UGT1A4: variants seen among roughly 807,000 people sequenced by gnomAD.
The protein encoded by UGT1A4 is UDP glucuronosyltransferase family 1 member A4, also known as UDP-glucuronosyltransferase 1A4.
In UGT1A4, 32 loss-of-function variants were observed where a neutral mutation model predicts 41.1. The ratio of observed to expected loss-of-function variants is 0.78; its 90% CI spans 0.59 to 1.05. The LOEUF (loss-of-function observed/expected upper bound fraction) is 1.05. UGT1A4 is among the 50% of genes least tolerant of loss of function. The probability of loss-of-function intolerance (pLI) is 0.00; values close to 1 mark genes in which losing one functional copy is unlikely to be tolerated. For missense variants in UGT1A4, 748 were observed against 677.4 expected, an observed-to-expected ratio of 1.10 and a Z score of -1.16; for synonymous variants, 283 against 265.1, an observed-to-expected ratio of 1.07 and a Z score of -0.66.
At position 233,742,060 on chromosome 2, in the gene UGT1A4, T is replaced by A. The variant is rs74500985; in HGVS notation, c.867+22373T>A. On this transcript the variant is annotated intron_variant, in intron 1 of 4. Transcript: ENST00000373409. ...AGCATAGCAATAGGATAGTTCTGTG[T>A]GGCCTTATGGAGATCCTTTTTTTAC... 642 of 152,036 alleles carry A rather than the reference T, an allele frequency of 4.2e-3. 25 individuals carry two copies. Among genetic ancestry groups the A allele is most frequent in the African/African-American group, 0.015 (610 of 41,262 alleles). 9.4% of individuals were successfully genotyped at this position (152,036 alleles called of 1,614,324 possible).
At chr2:233,755,690 C>G (rs58069490) in intron 1 of UGT1A4, 1 of 155,628 alleles carries the variant, frequency 6.4e-6, no homozygotes, top group African/African-American at 2.4e-5. Context: ...TTAGTCTGAC[C>G]GGGGCTGAAG....
chr2:233,737,563 C>G (rs1384498695), intron 1 of UGT1A4, among the ~76,000 whole-genome samples: 1 of 152,164 alleles, frequency 6.6e-6, no homozygotes, highest in Non-Finnish European at 1.5e-5. Context: ...GTGGGATGCA[C>G]CCACTATCCA....
At chr2:233,721,199 C>A (rs1012504962) in intron 1 of UGT1A4, among the ~76,000 whole-genome samples, 1 of 152,106 alleles carries the variant, frequency 6.6e-6, no homozygotes, top group Non-Finnish European at 1.5e-5. Flanking sequence ...ATTTGTTCTA[C>A]TGGTTTTCTT....
At chr2:233,743,603 C>T (rs1273601432) in intron 1 of UGT1A4, 1 of 1,367,314 alleles carries the variant, frequency 7.3e-7, no homozygotes, top group East Asian at 4.6e-5. Context: ...GTCCTGGCCG[C>T]CGAAGAACTC....
intron 1 of UGT1A4, among the ~76,000 whole-genome samples, chr2:233,745,825 G>A (rs1307073963): frequency 2.0e-5 from 3 of 151,398 alleles, no homozygotes; most frequent in Non-Finnish European, 2.9e-5. Context: ...GCAAGGCAGA[G>A]GACTCTGAAT....
intron 1 of UGT1A4, among the ~76,000 whole-genome samples, chr2:233,720,807 G>C (rs879376102): frequency 6.0e-5 from 9 of 150,156 alleles, no homozygotes; most frequent in Non-Finnish European, 5.9e-5. Context: ...CCGGGTTTAA[G>C]AAATTCTCCC....
rs985684086 is a variant in UGT1A4 at position 233,766,924 on chromosome 2, A to C, written c.868-110A>C. 8.4e-5 allele frequency: 132 copies of C among 1,565,450 alleles called. 1 individual carries two copies. In the Middle Eastern group the frequency reaches 1.0e-3, roughly 12 times the overall value. ...ATTTTTTACTCTATCTCAAACACGCATGCCTTTAATCATAGTCTTAAGAGG... is the reference window on the plus strand; with the variant it reads ...ATTTTTTACTCTATCTCAAACACGCCTGCCTTTAATCATAGTCTTAAGAGG... On this transcript the variant is annotated intron_variant, in intron 1 of 4. Coordinates refer to ENST00000373409, the MANE Select transcript of UGT1A4 (RefSeq NM_007120.3).
At chr2:233,737,199 C>T (rs762867419) in intron 1 of UGT1A4, among the ~76,000 whole-genome samples, 7 of 152,222 alleles carry the variant, frequency 4.6e-5, no homozygotes, top group Non-Finnish European at 7.3e-5. Flanking sequence ...TGCTGAGCTG[C>T]GGTGGACTCT....
rs773957041 is a variant in UGT1A4 at position 233,772,325 on chromosome 2, C to G, written c.1371C>G (p.Asp457Glu). Residue 457 changes from aspartate to glutamate, a missense_variant, in exon 5 of 5, where the codon GAC becomes GAG. Coordinates refer to ENST00000373409, the MANE Select transcript of UGT1A4 (RefSeq NM_007120.3). ...AGGACCGCCCGGTGGAGCCGCTGGACCTGGCCGTGTTCTGGGTGGAGTTTG... is the reference window on the plus strand; with the variant it reads ...AGGACCGCCCGGTGGAGCCGCTGGAGCTGGCCGTGTTCTGGGTGGAGTTTG... ...LHKDRPVEPLDLAVFWVEFVM... is the reference protein window; with the variant it reads ...LHKDRPVEPLELAVFWVEFVM... The G allele has an allele frequency of 1.9e-6, 3 of 1,614,136 alleles. No individual in the cohort carries two copies. The highest frequency in any genetic ancestry group is 2.2e-5 in the South Asian group (2 of 91,076).
rs536726765 is a variant in UGT1A4, at chr2:233,724,607, C to T, written c.867+4920C>T. 5.2e-5 allele frequency among the ~76,000 whole-genome samples: 7 copies of T among 135,444 alleles called. 1 individual carries two copies. Among genetic ancestry groups the T allele is most frequent in the African/African-American group, 1.2e-4 (4 of 34,508 alleles). The allele number at this position is 135,444 out of a possible 152,430, so 88.9% of individuals were successfully genotyped here. On this transcript the variant is annotated intron_variant, in intron 1 of 4. Coordinates refer to ENST00000373409, the MANE Select transcript of UGT1A4 (RefSeq NM_007120.3). ...CCCCACATCTCAGACGATGGGCGGC[C>T]GGGCAGAGACGCTCCTCACTTCCTA...
chr2:233,738,808 A>G (rs1190321536), intron 1 of UGT1A4: 3 of 152,254 alleles, frequency 2.0e-5, no homozygotes, highest in South Asian at 4.1e-4. Flanking sequence ...TACTAGCTAA[A>G]GAAATTTGAA....
chr2:233,765,991 C>T (rs939830697), intron 1 of UGT1A4, among the ~76,000 whole-genome samples: 3 of 152,048 alleles, frequency 2.0e-5, no homozygotes, highest in Admixed American at 1.3e-4. Context: ...TCCTGAAGCT[C>T]CAGTGGGCGT....
At chr2:233,751,840 C>G (rs55891750) in intron 1 of UGT1A4, among the ~76,000 whole-genome samples, 1 of 152,044 alleles carries the variant, frequency 6.6e-6, no homozygotes, top group Non-Finnish European at 1.5e-5. Flanking sequence ...GGAACTGAGT[C>G]ATTTAAACCT....
At chr2:233,759,133 C>T (rs973211945) in intron 1 of UGT1A4, among the ~76,000 whole-genome samples, 1 of 152,206 alleles carries the variant, frequency 6.6e-6, no homozygotes, top group African/African-American at 2.4e-5. Flanking sequence ...CTCTGGTACG[C>T]AATGAAGGTG....
In UGT1A4 at chr2:233,768,367, T is replaced by C; in HGVS notation, c.1235T>C (p.Val412Ala). 6.2e-7 allele frequency: 1 copy of C among 1,614,082 alleles called. No individual in the cohort carries two copies. The highest frequency in any genetic ancestry group is 8.5e-7 in the Non-Finnish European group (1 of 1,180,022). The change falls in exon 4 of 5, where the codon GTG (valine) becomes GCG (alanine). Residue 412 changes from valine to alanine, a missense_variant. Val to Ala is a moderately conservative substitution (Grantham distance 64). Transcript: ENST00000373409. The stretch of plus-strand genomic sequence containing the variant: ...CGCATGGAGACTAAGGGAGCTGGAG[T>C]GACCCTGAATGTTCTGGAAATGACT... ...AKRMETKGAG[V>A]TLNVLEMTSE...
At chr2:233,728,328 T>C (rs2077699714) in intron 1 of UGT1A4, among the ~76,000 whole-genome samples, 1 of 152,118 alleles carries the variant, frequency 6.6e-6, no homozygotes, top group Admixed American at 6.5e-5. Flanking sequence ...AGGCTCCAGC[T>C]CCCCCAGTCC....
rs371827044 is a variant in UGT1A4, at chr2:233,728,641, A to G, written c.867+8954A>G. 1.3e-4 allele frequency among the ~76,000 whole-genome samples: 20 copies of G among 152,302 alleles called. No homozygotes were observed. The East Asian group carries it at 3.3e-3, about 25-fold the overall frequency. On this transcript the variant is annotated intron_variant, in intron 1 of 4. Transcript: ENST00000373409. ...GAGAAAGCTGGCTTAGCAATGTTGT[A>G]TGGTTTTTGGATGCGCTGCGTTACT...
Position 233,719,240 on chromosome 2 carries a change from C to T in UGT1A4, c.420C>T (p.His140=), listed in dbSNP as rs753605986. The change falls in exon 1 of 5, where the codon CAC becomes CAT. Residue 140 remains histidine, a synonymous_variant. Transcript: ENST00000373409. ...TGCATAATGAGGCCCTGATCAGGCA[C>T]CTGAATGCTACTTCCTTTGATGTGG... is the stretch of plus-strand genomic sequence containing the variant. ...ELLHNEALIR[H]LNATSFDVVL... is the part of the protein sequence containing the mutation. 10 of 1,614,038 alleles carry T rather than the reference C, an allele frequency of 6.2e-6. No homozygotes were observed. The highest frequency in any genetic ancestry group is 8.5e-6 in the Non-Finnish European group (10 of 1,180,028).
intron 1 of UGT1A4, chr2:233,760,520 C>T (rs779218106): frequency 6.8e-6 from 11 of 1,614,230 alleles, no homozygotes; most frequent in South Asian, 5.5e-5. Context: ...ACCTTGAAGA[C>T]GTACCCTGTG....
Sources: gnomAD v4.1 joint callset for allele counts (sites outside exome capture counted in the v4.1 genomes callset) on GRCh38, gnomAD v4.1.1 for gene constraint, MANE v1.5 for transcripts, NCBI Gene and HGNC (gene_info 2026-07-23, HGNC 2026-07-21) for gene names.